The following MCUB variants were observed in gnomAD, a reference collection of about 807,000 sequenced individuals.
The protein encoded by MCUB is calcium uniporter regulatory subunit MCUb, mitochondrial.
MCUB carries 46 observed loss-of-function variants against 41.4 expected under a neutral mutation model. The ratio of observed to expected loss-of-function variants is 1.11; its 90% CI spans 0.88 to 1.42. The LOEUF (loss-of-function observed/expected upper bound fraction) is 1.42. MCUB is among the 40% of genes most tolerant of loss of function. The pLI, the probability that MCUB is intolerant of heterozygous loss-of-function variation, is 0.00. For synonymous variants in MCUB, 148 were observed against 148.2 expected (o/e 1.00, Z 0.01); for missense variants, 403 against 404.9 (o/e 1.00, Z 0.04).
Position 109,561,392 on chromosome 4 carries a change from C to T in MCUB, c.99+956C>T, listed in dbSNP as rs1303739851. ...CTTTTTTTTCCTTCCCCCCCTTTTC[C>T]TCCAGCTGTCTGAGGGCTTCAGTTT... On this transcript the variant is annotated intron_variant, in intron 1 of 7. Transcript: ENST00000394650. Among the ~76,000 whole-genome samples the T allele has an allele frequency of 3.9e-5, 6 of 152,116 alleles. No individual in the cohort carries two copies. In the South Asian group the frequency reaches 1.0e-3, roughly 26 times the overall value.
intron 1 of MCUB, among the ~76,000 whole-genome samples, chr4:109,623,834 C>T (rs185781514): frequency 3.9e-5 from 6 of 152,198 alleles, no homozygotes; most frequent in Non-Finnish European, 5.9e-5. Context: ...AAGCAAAAAA[C>T]GACTTCATTC....
chr4:109,643,088 C>T (rs1045986650), intron 1 of MCUB, among the ~76,000 whole-genome samples: 18 of 151,050 alleles, frequency 1.2e-4, no homozygotes, highest in Non-Finnish European at 1.2e-4. Context: ...CCACCGCACC[C>T]GGCCACTCTC....
intron 6 of MCUB, 56 bp downstream of exon 6, chr4:109,684,702 A>C: frequency 3.6e-6 from 3 of 822,812 alleles, no homozygotes; most frequent in Non-Finnish European, 6.0e-6. Context: ...AGAATGTCTT[A>C]TCTAAGCAAT....
At chr4:109,639,821 G>A (rs1185005500) in intron 1 of MCUB, among the ~76,000 whole-genome samples, 1 of 152,158 alleles carries the variant, frequency 6.6e-6, no homozygotes, top group Non-Finnish European at 1.5e-5. Flanking sequence ...TTTTCGGAAT[G>A]GTTAATGAGC....
intron 1 of MCUB, among the ~76,000 whole-genome samples, chr4:109,605,935 G>T (rs749088248): frequency 8.7e-5 from 13 of 149,938 alleles, no homozygotes; most frequent in Non-Finnish European, 1.9e-4. Context: ...TTTCTTGTAG[G>T]CAGTAGATCA....
intron 1 of MCUB, among the ~76,000 whole-genome samples, chr4:109,573,867 ATTTTTTT>A (rs70954166): frequency 1.9e-4 from 21 of 112,518 alleles, no homozygotes; most frequent in African/African-American, 5.7e-4. Flanking sequence ...AAAGGGTTGA[ATTTTTTT>A]TTTTTTTTTT....
At chr4:109,670,693 G>A (rs1729436082) in intron 4 of MCUB, among the ~76,000 whole-genome samples, 1 of 151,378 alleles carries the variant, frequency 6.6e-6, no homozygotes, top group Non-Finnish European at 1.5e-5. Flanking sequence ...TCCAGCCTGG[G>A]CAACAGAGCG....
At chr4:109,568,381 G>C (rs1346996115) in intron 1 of MCUB, among the ~76,000 whole-genome samples, 2 of 152,122 alleles carry the variant, frequency 1.3e-5, no homozygotes, top group African/African-American at 4.8e-5. Flanking sequence ...CATCCCTCCA[G>C]TTCCATCTTC....
chr4:109,649,409 T>C (rs1389134937), intron 1 of MCUB, among the ~76,000 whole-genome samples: 1 of 152,222 alleles, frequency 6.6e-6, no homozygotes, highest in Non-Finnish European at 1.5e-5. Context: ...TTTTCTTACA[T>C]CCTGTTTTCT....
chr4:109,588,835 C>A (rs1032731782), intron 1 of MCUB, among the ~76,000 whole-genome samples: 1 of 152,036 alleles, frequency 6.6e-6, no homozygotes, highest in East Asian at 1.9e-4. Context: ...GTTTTCAGTT[C>A]TAGTAAATCC....
At chr4:109,684,670 G>GT (rs757554927) in intron 6 of MCUB, 24 bp downstream of exon 6, 6 of 1,131,068 alleles carry the variant, frequency 5.3e-6, no homozygotes, top group Non-Finnish European at 6.6e-6. Context: ...TAGGAAAATG[G>GT]TAAGTTAGAA....
chr4:109,682,932 A>G, intron 5 of MCUB, 190 bp downstream of exon 5: 6 of 521,810 alleles, frequency 1.1e-5, no homozygotes, highest in Admixed American at 6.9e-5. Context: ...ACAGAGCTGT[A>G]TCGCTAATAC....
intron 3 of MCUB, among the ~76,000 whole-genome samples, chr4:109,662,380 G>A (rs1227249520): frequency 6.6e-6 from 1 of 152,218 alleles, no homozygotes; most frequent in Non-Finnish European, 1.5e-5. Context: ...GGCCTGCACT[G>A]AGCAGCACTT....
Position 109,664,346 on chromosome 4 carries a change from A to C in MCUB, c.403A>C (p.Lys135Gln), listed in dbSNP as rs1233167356. 1 of 1,577,334 alleles carries C rather than the reference A, an allele frequency of 6.3e-7. No homozygotes were observed. The highest frequency in any genetic ancestry group is 1.1e-5 in the South Asian group (1 of 90,264). ...GGATATTTTGCTAATGAATGATTTT[A>C]AACTTGTCATTAATAAAATAGCATA... is the stretch of plus-strand genomic sequence containing the variant. ...LMDILLMNDF[K>Q]LVINKIAYDV... The change falls in exon 4 of 8, where the codon AAA (lysine) becomes CAA (glutamine). Residue 135 changes from lysine (K) to glutamine (Q), a missense_variant. Transcript: ENST00000394650.
chr4:109,572,446 T>A (rs1218398350), intron 1 of MCUB, among the ~76,000 whole-genome samples: 1 of 152,216 alleles, frequency 6.6e-6, no homozygotes, highest in Non-Finnish European at 1.5e-5. Context: ...TATGCATATC[T>A]GGTACATTAA....
chr4:109,576,281 A>G (rs774782101), intron 1 of MCUB, among the ~76,000 whole-genome samples: 3 of 152,226 alleles, frequency 2.0e-5, no homozygotes, highest in Non-Finnish European at 4.4e-5. Context: ...CTAAGTCCTC[A>G]GAGTAAATTT....
chr4:109,597,088 T>C (rs1384410402), intron 1 of MCUB, among the ~76,000 whole-genome samples: 2 of 150,700 alleles, frequency 1.3e-5, no homozygotes, highest in Non-Finnish European at 3.0e-5. Flanking sequence ...GCAGAAGAAT[T>C]TTTCTTAGTA....
chr4:109,590,001 A>G (rs954092198), intron 1 of MCUB, among the ~76,000 whole-genome samples: 1 of 152,242 alleles, frequency 6.6e-6, no homozygotes, highest in African/African-American at 2.4e-5. Context: ...CAATTTGTCT[A>G]GTGGTAAGCT....
intron 1 of MCUB, among the ~76,000 whole-genome samples, chr4:109,585,558 A>G (rs1727287241): frequency 6.6e-6 from 1 of 152,116 alleles, no homozygotes; most frequent in Non-Finnish European, 1.5e-5. Context: ...GAGCTTTACA[A>G]TTTGGCATGT....
Sources: gnomAD v4.1 joint callset for allele counts (sites outside exome capture counted in the v4.1 genomes callset) on GRCh38, gnomAD v4.1.1 for gene constraint, MANE v1.5 for transcripts, NCBI Gene and HGNC (gene_info 2026-07-23, HGNC 2026-07-21) for gene names.